MAGI2: variants seen among roughly 807,000 people sequenced by gnomAD.
MAGI2 encodes the protein membrane associated guanylate kinase, WW and PDZ domain containing 2.
A neutral mutation model predicts 133.3 loss-of-function variants in MAGI2; 35 were observed. The observed-to-expected ratio is 0.26, with a 90% CI of 0.20 to 0.35. The LOEUF is 0.35. Among genes scored for constraint, MAGI2 ranks in the 10% least tolerant of loss-of-function variants. The pLI, the probability that MAGI2 is intolerant of heterozygous loss-of-function variation, is 1.00. For synonymous variants in MAGI2, 729 were observed against 710.6 expected, an observed-to-expected ratio of 1.03 and a Z score of -0.41; for missense variants, 1,636 against 1,863.4, an observed-to-expected ratio of 0.88 and a Z score of 2.25.
At chr7:79,066,418 T>A (rs1489182386) in intron 1 of MAGI2, among the ~76,000 whole-genome samples, 3 of 152,080 alleles carry the variant, frequency 2.0e-5, no homozygotes, top group Non-Finnish European at 4.4e-5. Context: ...TGGGGTTATT[T>A]TTTTTTCTTG....
intron 2 of MAGI2, among the ~76,000 whole-genome samples, chr7:78,806,117 CTTTG>C: frequency 6.6e-6 from 1 of 152,214 alleles, no homozygotes; most frequent in Non-Finnish European, 1.5e-5. Context: ...CAATAGTACA[CTTTG>C]ACTTTATATA....
chr7:78,158,635 A>G (rs905211238), intron 16 of MAGI2, among the ~76,000 whole-genome samples: 1 of 152,192 alleles, frequency 6.6e-6, no homozygotes, highest in African/African-American at 2.4e-5. Flanking sequence ...GTCCTTGTTC[A>G]TTCCTGGGCA....
intron 2 of MAGI2, among the ~76,000 whole-genome samples, chr7:78,969,539 T>G (rs181243726): frequency 2.0e-5 from 3 of 152,206 alleles, no homozygotes; most frequent in Admixed American, 2.0e-4. Context: ...CAATATTTAG[T>G]TCACACCTCT....
intron 2 of MAGI2, among the ~76,000 whole-genome samples, chr7:78,949,262 A>G (rs1434676427): frequency 2.6e-5 from 4 of 152,176 alleles, no homozygotes; most frequent in Admixed American, 6.5e-5. Flanking sequence ...TGATGTCTAG[A>G]GCATAATAGA....
chr7:78,367,392 C>A (rs1451338658), intron 7 of MAGI2, among the ~76,000 whole-genome samples: 1 of 152,164 alleles, frequency 6.6e-6, no homozygotes, highest in Non-Finnish European at 1.5e-5. Flanking sequence ...TATGAAAAAA[C>A]AACCGGAAGA....
intron 1 of MAGI2, among the ~76,000 whole-genome samples, chr7:79,164,472 C>T (rs1824726364): frequency 6.6e-6 from 1 of 151,906 alleles, no homozygotes; most frequent in African/African-American, 2.4e-5. Context: ...CCAGGCCCTC[C>T]CAATACTGAA....
intron 2 of MAGI2, among the ~76,000 whole-genome samples, chr7:78,975,028 T>C (rs1804122747): frequency 6.6e-6 from 1 of 151,512 alleles, no homozygotes; most frequent in Non-Finnish European, 1.5e-5. Flanking sequence ...TCAAAATATA[T>C]GAGACAAAAA....
chr7:78,761,270 G>A (rs1824478408), intron 2 of MAGI2, among the ~76,000 whole-genome samples: 1 of 152,174 alleles, frequency 6.6e-6, no homozygotes, highest in Non-Finnish European at 1.5e-5. Flanking sequence ...GTGACTTGAA[G>A]AGAGAAATGA....
intron 11 of MAGI2, among the ~76,000 whole-genome samples, chr7:78,195,775 C>T (rs73703723): frequency 6.6e-6 from 1 of 152,166 alleles, no homozygotes; most frequent in Admixed American, 6.5e-5. Context: ...ACCATAGCAC[C>T]ATAAGATAGA....
At chr7:79,099,157 T>A (rs1040994287) in intron 1 of MAGI2, among the ~76,000 whole-genome samples, 2 of 152,136 alleles carry the variant, frequency 1.3e-5, no homozygotes, top group African/African-American at 4.8e-5. Flanking sequence ...AAAGTTAAAA[T>A]TAGTGCTATT....
chr7:78,759,366 G>T (rs76583124), intron 2 of MAGI2, among the ~76,000 whole-genome samples: 1 of 152,022 alleles, frequency 6.6e-6, no homozygotes, highest in Non-Finnish European at 1.5e-5. Flanking sequence ...ATGGCACTAA[G>T]ATGCTTACAT....
intron 1 of MAGI2, among the ~76,000 whole-genome samples, chr7:79,020,779 G>GAAA (rs756992741): frequency 9.1e-6 from 1 of 109,934 alleles, no homozygotes; most frequent in Non-Finnish European, 2.0e-5. Flanking sequence ...AAAAAAAAAA[G>GAAA]GAAAGAAAAA....
intron 9 of MAGI2, among the ~76,000 whole-genome samples, chr7:78,294,347 CAA>C (rs2151051324): frequency 6.6e-6 from 1 of 152,144 alleles, no homozygotes; most frequent in South Asian, 2.1e-4. Context: ...AAAGGGAAAA[CAA>C]GAACTTTATT....
intron 6 of MAGI2, among the ~76,000 whole-genome samples, chr7:78,443,296 C>G (rs1366930455): frequency 6.6e-6 from 1 of 152,100 alleles, no homozygotes; most frequent in African/African-American, 2.4e-5. Flanking sequence ...CAGTAATACA[C>G]TGGGGAGTTG....
chr7:79,412,914 T>G (rs763128710), intron 1 of MAGI2: 14 of 152,158 alleles, frequency 9.2e-5, no homozygotes, highest in Non-Finnish European at 1.6e-4. Context: ...TTTAGACATG[T>G]TCACATCTTA....
At chr7:78,969,848 TTACTC>T (rs947724344) in intron 2 of MAGI2, among the ~76,000 whole-genome samples, 122 of 152,210 alleles carry the variant, frequency 8.0e-4, no homozygotes, top group African/African-American at 2.6e-3. Flanking sequence ...TAATCAGTGT[TTACTC>T]TATGCTAAAT....
At chr7:78,260,942 G>A (rs1346175333) in intron 9 of MAGI2, among the ~76,000 whole-genome samples, 1 of 152,094 alleles carries the variant, frequency 6.6e-6, no homozygotes, top group African/African-American at 2.4e-5. Flanking sequence ...GGATAAAATA[G>A]GGCACTCTAC....
chr7:78,400,150 A>G (rs1444022362), intron 6 of MAGI2, among the ~76,000 whole-genome samples: 1 of 152,188 alleles, frequency 6.6e-6, no homozygotes, highest in Non-Finnish European at 1.5e-5. Context: ...ATGGACCAAT[A>G]CCATCGAGCT....
chr7:78,818,299 A>G (rs1789786244), intron 2 of MAGI2, among the ~76,000 whole-genome samples: 1 of 152,148 alleles, frequency 6.6e-6, no homozygotes, highest in South Asian at 2.1e-4. Flanking sequence ...CATTAAACGT[A>G]TTCCACAGAG....
Sources: gnomAD v4.1 joint callset for allele counts (sites outside exome capture counted in the v4.1 genomes callset) on GRCh38, gnomAD v4.1.1 for gene constraint, MANE v1.5 for transcripts, NCBI Gene and HGNC (gene_info 2026-07-23, HGNC 2026-07-21) for gene names.